PTPRM: variants seen among roughly 807,000 people sequenced by gnomAD.
PTPRM encodes the protein protein tyrosine phosphatase receptor type M, also known as receptor-type tyrosine-protein phosphatase mu.
A neutral mutation model predicts 186.7 loss-of-function variants in PTPRM; 47 were observed. The observed-to-expected ratio is 0.25, with a 90% CI of 0.20 to 0.32. The LOEUF (loss-of-function observed/expected upper bound fraction) is 0.32. PTPRM is among the 10% of genes least tolerant of loss of function. The pLI, the probability that PTPRM is intolerant of heterozygous loss-of-function variation, is 1.00. For missense variants in PTPRM, 1,494 were observed against 1,865.0 expected, an observed-to-expected ratio of 0.80 and a Z score of 3.66; for synonymous variants, 668 against 674.9, an observed-to-expected ratio of 0.99 and a Z score of 0.16.
chr18:7,993,839 A>G (rs1358024502), intron 7 of PTPRM, among the ~76,000 whole-genome samples: 1 of 152,138 alleles, frequency 6.6e-6, no homozygotes, highest in Admixed American at 6.6e-5. Flanking sequence ...AAGGAATGAA[A>G]TGTTATTACT....
Position 7,567,364 on chromosome 18 carries a change from C to A in PTPRM, c.-455C>A, listed in dbSNP as rs908625030. On this transcript the variant is annotated 5_prime_UTR_variant, in exon 1 of 33. Coordinates refer to ENST00000580170, the MANE Select transcript of PTPRM (RefSeq NM_001105244.2). The surrounding 1 kb of genome is among the most constrained non-coding windows in gnomAD (Gnocchi z 4.3). ...CGCGCGCAGCCGGCGCGGGCTCGGT[C>A]ATCGGCGCGCCGCCGCCCGGGGCTG... 6.7e-6 allele frequency: 1 copy of A among 148,712 alleles called. No homozygotes were observed. The highest frequency in any genetic ancestry group is 2.4e-5 in the African/African-American group (1 of 41,100). The allele number at this position is 148,712 out of a possible 1,614,324, so 9.2% of individuals were successfully genotyped here. A position where few individuals can be genotyped will look rare whatever the true frequency, so the allele number is the denominator to read the frequency against.
At chr18:7,797,053 A>G (rs2043697839) in intron 2 of PTPRM, among the ~76,000 whole-genome samples, 1 of 152,232 alleles carries the variant, frequency 6.6e-6, no homozygotes, top group Admixed American at 6.5e-5. Context: ...TGTCCATGAC[A>G]GACTCAGCTC....
intron 32 of PTPRM, among the ~76,000 whole-genome samples, chr18:8,396,599 G>T (rs1056313112): frequency 6.6e-6 from 1 of 152,128 alleles, no homozygotes; most frequent in African/African-American, 2.4e-5. Flanking sequence ...GGGAGCTTGC[G>T]GTCCCAGCCC....
In PTPRM at chr18:8,125,976, C is replaced by CAT. The variant is rs1178603481; in HGVS notation, c.2167+11200_2167+11201dup. Reference sequence around the variant, plus strand: ...GGAGAATGCTATATGTGTGTGTATACATATATATATATATATATATATATA... The same window carrying CAT: ...GGAGAATGCTATATGTGTGTGTATACATATATATATATATATATATATATATA... On this transcript the variant is annotated intron_variant, in intron 13 of 32. Transcript: ENST00000580170. Among the ~76,000 whole-genome samples, 348 of 59,472 alleles carry CAT rather than the reference C, an allele frequency of 5.9e-3. 2 individuals carry two copies. Among genetic ancestry groups the CAT allele is most frequent in the Middle Eastern group, 0.011 (1 of 92 alleles). The allele number at this position is 59,472 out of a possible 152,430, so 39.0% of individuals were successfully genotyped here.
chr18:8,182,914 T>C (rs2093595765), intron 14 of PTPRM, among the ~76,000 whole-genome samples: 1 of 152,230 alleles, frequency 6.6e-6, no homozygotes, highest in East Asian at 1.9e-4. Flanking sequence ...TCTGTCAGTC[T>C]GTCTCCCTGT....
At chr18:8,249,795 G>A (rs1173705150) in intron 17 of PTPRM, among the ~76,000 whole-genome samples, 3 of 152,028 alleles carry the variant, frequency 2.0e-5, no homozygotes, top group African/African-American at 4.8e-5. Context: ...TTACTGAAAG[G>A]GAATCACTTG....
In PTPRM at chr18:8,376,534, C is replaced by T. The variant is rs1295900027; in HGVS notation, c.3399C>T (p.Val1133=). ...IMLDMAEREG[V]VDIYNCVREL... ...TGGACATGGCCGAAAGGGAAGGGGT[C>T]GTAGACATCTACAACTGCGTCAGGG... The change falls in exon 26 of 33, where the codon GTC becomes GTT. Residue 1133 remains valine, a synonymous_variant. Transcript: ENST00000580170. The T allele has an allele frequency of 9.9e-6, 16 of 1,613,960 alleles. No individual in the cohort carries two copies. The East Asian group carries it at 1.8e-4, about 18-fold the overall frequency.
intron 32 of PTPRM, among the ~76,000 whole-genome samples, chr18:8,395,517 C>T (rs1383079799): frequency 6.6e-6 from 1 of 152,212 alleles, no homozygotes; most frequent in Non-Finnish European, 1.5e-5. Flanking sequence ...CCAATGACAA[C>T]GAGCTCCCAA....
chr18:7,972,930 C>G (rs540163162), intron 7 of PTPRM, among the ~76,000 whole-genome samples: 2 of 152,194 alleles, frequency 1.3e-5, no homozygotes, highest in South Asian at 4.2e-4. Context: ...CTTACTAATT[C>G]TAACAAATAG....
chr18:7,706,618 A>C (rs1044663602), intron 1 of PTPRM, among the ~76,000 whole-genome samples: 44 of 148,950 alleles, frequency 3.0e-4, no homozygotes, highest in African/African-American at 1.0e-3. Context: ...AAAAAAAAAA[A>C]AAAAAAAAAA....
At chr18:7,688,409 A>G (rs2039657006) in intron 1 of PTPRM, among the ~76,000 whole-genome samples, 1 of 152,200 alleles carries the variant, frequency 6.6e-6, no homozygotes, top group Admixed American at 6.5e-5. Context: ...TGGGGGAAAT[A>G]CACAAGATGG....
intron 22 of PTPRM, among the ~76,000 whole-genome samples, chr18:8,321,501 A>G (rs2095345469): frequency 6.6e-6 from 1 of 152,236 alleles, no homozygotes; most frequent in Admixed American, 6.5e-5. Flanking sequence ...CATGTGAGTG[A>G]TACTTAATAG....
At chr18:8,056,697 T>A (rs1052943567) in intron 7 of PTPRM, among the ~76,000 whole-genome samples, 2 of 151,622 alleles carry the variant, frequency 1.3e-5, no homozygotes, top group Non-Finnish European at 2.9e-5. Flanking sequence ...TACTTTAAGA[T>A]CTGTCCTTCG....
chr18:7,627,159 T>A (rs1015666615), intron 1 of PTPRM, among the ~76,000 whole-genome samples: 1 of 152,150 alleles, frequency 6.6e-6, no homozygotes, highest in African/African-American at 2.4e-5. Flanking sequence ...ATCCCTGCCA[T>A]TTCTACTCAC....
At chr18:8,105,895 C>T (rs2145605745) in intron 11 of PTPRM, among the ~76,000 whole-genome samples, 1 of 152,310 alleles carries the variant, frequency 6.6e-6, no homozygotes, top group African/African-American at 2.4e-5. Context: ...AAATTATGGC[C>T]TTTGTAGCCT....
intron 24 of PTPRM, among the ~76,000 whole-genome samples, chr18:8,373,188 G>A (rs1231407743): frequency 6.6e-6 from 1 of 152,190 alleles, no homozygotes; most frequent in African/African-American, 2.4e-5. Flanking sequence ...TTTCTTATAG[G>A]TTTTAAACTT....
intron 29 of PTPRM, among the ~76,000 whole-genome samples, chr18:8,382,141 C>T (rs1408325674): frequency 6.6e-6 from 1 of 152,156 alleles, no homozygotes. Flanking sequence ...AATGTAAAGG[C>T]TTTGCAATTC....
chr18:7,843,753 T>C (rs2046460835), intron 2 of PTPRM, among the ~76,000 whole-genome samples: 1 of 152,212 alleles, frequency 6.6e-6, no homozygotes, highest in South Asian at 2.1e-4. Context: ...CAATCATTGT[T>C]ATGCCTCTCA....
intron 11 of PTPRM, among the ~76,000 whole-genome samples, chr18:8,089,485 G>A (rs1048531970): frequency 6.6e-6 from 1 of 152,114 alleles, no homozygotes; most frequent in Non-Finnish European, 1.5e-5. Context: ...TTCCACGACA[G>A]AGCAAAGGAT....
Sources: allele counts gnomAD v4.1 joint callset (sites outside exome capture counted in the v4.1 genomes callset), GRCh38; gene constraint gnomAD v4.1.1; non-coding constraint Gnocchi (gnomAD v3.1); transcripts MANE v1.5; gene names NCBI Gene and HGNC (gene_info 2026-07-23, HGNC 2026-07-21).